The following TBC1D1 variants were observed in gnomAD, a reference collection of about 807,000 sequenced individuals.
TBC1D1 encodes the protein TBC1 domain family member 1.
A neutral mutation model predicts 125.6 loss-of-function variants in TBC1D1; 89 were observed. That is an observed-to-expected ratio of 0.71 (90% CI 0.60 to 0.85). The LOEUF is 0.85. TBC1D1 is among the 40% of genes least tolerant of loss of function. TBC1D1 has a pLI of 0.00. For missense variants in TBC1D1, 1,377 were observed against 1,469.2 expected (o/e 0.94, Z 1.03); for synonymous variants, 565 against 564.1 (o/e 1.00, Z -0.02).
At chr4:38,078,652 G>C (rs1282856582) in intron 12 of TBC1D1, among the ~76,000 whole-genome samples, 1 of 152,194 alleles carries the variant, frequency 6.6e-6, no homozygotes, top group African/African-American at 2.4e-5. Context: ...CAAGAAGGAA[G>C]CTCTCTGCAA....
At chr4:38,128,820 G>T (rs1326730138) in intron 18 of TBC1D1, among the ~76,000 whole-genome samples, 2 of 152,194 alleles carry the variant, frequency 1.3e-5, no homozygotes, top group Non-Finnish European at 2.9e-5. Flanking sequence ...TACATCTTCT[G>T]ACCCAAGAAG....
At chr4:38,028,805 A>AG (rs1245106240) in intron 7 of TBC1D1, among the ~76,000 whole-genome samples, 20 of 152,336 alleles carry the variant, frequency 1.3e-4, no homozygotes, top group Middle Eastern at 3.4e-3. Flanking sequence ...TTCAGACCTA[A>AG]GTGTGGGAGT....
At position 38,138,641 on chromosome 4, in the gene TBC1D1, A is replaced by G. The variant is rs1423200656; in HGVS notation, c.*1306A>G. The G allele has an allele frequency of 6.6e-6, 1 of 152,656 alleles. No individual in the cohort carries two copies. The highest frequency in any genetic ancestry group is 1.5e-5 in the Non-Finnish European group (1 of 68,058). The allele number at this position is 152,656 out of a possible 1,614,324, so 9.5% of individuals were successfully genotyped here. A position where few individuals can be genotyped will look rare whatever the true frequency, so the allele number is the denominator to read the frequency against. On this transcript the variant is annotated 3_prime_UTR_variant, in exon 20 of 20. Transcript: ENST00000261439. ...ACTGTGTAAAGCCTCTCTGATGTGC[A>G]CTTAAGAGTGGGTTGCTTTCTCACA... is the stretch of plus-strand genomic sequence containing the variant.
At chr4:37,994,079 G>T (rs866459206) in intron 2 of TBC1D1, among the ~76,000 whole-genome samples, 6 of 152,240 alleles carry the variant, frequency 3.9e-5, no homozygotes, top group East Asian at 3.9e-4. Context: ...TTCAAATCCT[G>T]CCTGGAGGGA....
intron 2 of TBC1D1, among the ~76,000 whole-genome samples, chr4:37,938,700 G>A (rs1226053962): frequency 1.3e-5 from 2 of 151,652 alleles, no homozygotes; most frequent in Non-Finnish European, 2.9e-5. Context: ...CCCCATGACA[G>A]GTGTGTGATG....
intron 15 of TBC1D1, among the ~76,000 whole-genome samples, chr4:38,115,474 A>G (rs865862610): frequency 2.6e-5 from 4 of 152,194 alleles, no homozygotes; most frequent in Non-Finnish European, 5.9e-5. Context: ...TTTCACCTGT[A>G]CTTCCACCAA....
At chr4:38,068,193 C>A (rs780217390) in intron 12 of TBC1D1, among the ~76,000 whole-genome samples, 1 of 152,152 alleles carries the variant, frequency 6.6e-6, no homozygotes, top group Non-Finnish European at 1.5e-5. Flanking sequence ...GAGAGCAAAA[C>A]TGTCGCGGAA....
In TBC1D1 at chr4:38,014,613, G is replaced by T. The variant is rs1323086004; in HGVS notation, c.522G>T (p.Glu174Asp). ...ACGACACGTTTTCCAAGAAGTTCGA[G>T]GTGCTCTTCTGCGGCCGCGTGACGG... Residue 174 changes from glutamate to aspartate, a missense_variant, in exon 3 of 20, where the codon GAG (glutamate) becomes GAT (aspartate). Glu to Asp is a conservative substitution (Grantham distance 45). This residue lies in a region of TBC1D1 where 822 missense variants were observed against 824.6 expected (regional missense o/e 1.00). Coordinates refer to ENST00000261439, the MANE Select transcript of TBC1D1 (RefSeq NM_015173.4). This position sits in a 1 kb window ranked among gnomAD's most constrained non-coding sequence, Gnocchi z 5.1. 6.2e-7 allele frequency: 1 copy of T among 1,613,470 alleles called. No individual in the cohort carries two copies. The highest frequency in any genetic ancestry group is 8.5e-7 in the Non-Finnish European group (1 of 1,180,042).
chr4:38,052,728 G>GCA (rs56153191), intron 11 of TBC1D1, among the ~76,000 whole-genome samples: 10,063 of 118,132 alleles, frequency 0.085, 420 homozygotes, highest in East Asian at 0.12. Flanking sequence ...GCGCGCGCGC[G>GCA]CACACACACA....
At chr4:37,932,470 A>C (rs996050928) in intron 2 of TBC1D1, among the ~76,000 whole-genome samples, 9 of 152,360 alleles carry the variant, frequency 5.9e-5, no homozygotes, top group African/African-American at 1.9e-4. Flanking sequence ...TAGAAAATTT[A>C]AAGTGCACAT....
chr4:38,044,421 T>C lies in TBC1D1; in HGVS notation c.1473T>C (p.Phe491=), dbSNP rs1749014507. 2.5e-6 allele frequency: 4 copies of C among 1,613,878 alleles called. No homozygotes were observed. Among genetic ancestry groups the C allele is most frequent in the Non-Finnish European group, 3.4e-6 (4 of 1,179,994 alleles). ...AATTACCACCCAGTGCCACTCGATTTAGGCTAGATATGCTGAAAAACAAAG... is the reference window on the plus strand; with the variant it reads ...AATTACCACCCAGTGCCACTCGATTCAGGCTAGATATGCTGAAAAACAAAG... Residue 491 remains phenylalanine (F), a synonymous_variant, in exon 9 of 20, where the codon TTT becomes TTC. Coordinates refer to ENST00000261439, the MANE Select transcript of TBC1D1 (RefSeq NM_015173.4).
chr4:37,930,658 G>T (rs1198791344), intron 2 of TBC1D1, among the ~76,000 whole-genome samples: 1 of 152,146 alleles, frequency 6.6e-6, no homozygotes, highest in Non-Finnish European at 1.5e-5. Flanking sequence ...AACTAATTAA[G>T]TTATTAAACT....
At chr4:37,897,653 T>A (rs1714944452) in intron 1 of TBC1D1, among the ~76,000 whole-genome samples, 1 of 152,224 alleles carries the variant, frequency 6.6e-6, no homozygotes, top group African/African-American at 2.4e-5. Flanking sequence ...TGAAAGTAAT[T>A]CTGCTATGCT....
chr4:38,015,651 C>T lies in TBC1D1; in HGVS notation c.882+678C>T, dbSNP rs929053337. Among the ~76,000 whole-genome samples, 4 of 152,128 alleles carry T rather than the reference C, an allele frequency of 2.6e-5. 1 individual carries two copies. The highest frequency in any genetic ancestry group is 1.5e-5 in the Non-Finnish European group (1 of 68,016). ...ATGAGATGTGGAGCTGTCCCGGCAG[C>T]GAGCCGGTCTCTGACAATGGAAGAG... On this transcript the variant is annotated intron_variant, in intron 3 of 19. Transcript: ENST00000261439.
chr4:37,891,318 G>A lies in TBC1D1; in HGVS notation c.-124G>A, dbSNP rs1472970256. The A allele has an allele frequency of 6.6e-6, 1 of 152,306 alleles. No individual in the cohort carries two copies. 9.4% of individuals were successfully genotyped at this position (152,306 alleles called of 1,614,324 possible). Reference sequence around the variant, plus strand: ...CCCAAGCACCTGCGCGTCCCGGCCCGGCCCCGGGCTCTGAGCGCGCCGCGG... The same window carrying A: ...CCCAAGCACCTGCGCGTCCCGGCCCAGCCCCGGGCTCTGAGCGCGCCGCGG... On this transcript the variant is annotated 5_prime_UTR_variant, in exon 1 of 20. Transcript: ENST00000261439.
intron 19 of TBC1D1, among the ~76,000 whole-genome samples, chr4:38,135,922 ATATG>A (rs1162108921): frequency 4.4e-4 from 34 of 76,840 alleles, no homozygotes; most frequent in East Asian, 4.3e-3. Flanking sequence ...GTGTGTGTGT[ATATG>A]TGTGTGTGTG....
intron 7 of TBC1D1, among the ~76,000 whole-genome samples, chr4:38,035,063 G>A (rs1746944616): frequency 6.6e-6 from 1 of 152,164 alleles, no homozygotes; most frequent in Admixed American, 6.5e-5. Context: ...GGCATAGAGA[G>A]AATTTTTTTT....
chr4:38,030,580 T>G (rs1489549620), intron 7 of TBC1D1: 1 of 152,268 alleles, frequency 6.6e-6, no homozygotes, highest in Non-Finnish European at 1.5e-5. Flanking sequence ...AAACATTTTA[T>G]AAACCAAGTC....
At chr4:38,133,045 C>A (rs1578873311) in intron 18 of TBC1D1, 39 bp from the exon 21 acceptor site, 1 of 1,576,790 alleles carries the variant, frequency 6.3e-7, no homozygotes, top group Non-Finnish European at 8.6e-7. Flanking sequence ...TGGGGTTTTT[C>A]TCAGTTTTAG....
Sources: allele counts gnomAD v4.1 joint callset (sites outside exome capture counted in the v4.1 genomes callset), GRCh38; gene constraint gnomAD v4.1.1; regional missense constraint gnomAD v4.1.1; non-coding constraint Gnocchi (gnomAD v3.1); transcripts MANE v1.5; gene names NCBI Gene and HGNC (gene_info 2026-07-23, HGNC 2026-07-21).